PBRM1: variants seen among roughly 807,000 people sequenced by gnomAD.
The protein encoded by PBRM1 is polybromo 1, also known as protein polybromo-1.
In PBRM1, 27 loss-of-function variants were observed where a neutral mutation model predicts 194.5. The observed-to-expected ratio is 0.14, with a 90% CI of 0.10 to 0.19. PBRM1 has a LOEUF of 0.19. Ranked by LOEUF, PBRM1 falls within the 10% of genes least tolerant of loss-of-function variation. The probability of loss-of-function intolerance (pLI) is 1.00; values close to 1 mark genes in which losing one functional copy is unlikely to be tolerated. For synonymous variants in PBRM1, 655 were observed against 693.2 expected, an observed-to-expected ratio of 0.94 and a Z score of 0.87; for missense variants, 1,466 against 2,077.2, an observed-to-expected ratio of 0.71 and a Z score of 5.72.
chr3:52,594,075 T>C (rs190415107), intron 17 of PBRM1, among the ~76,000 whole-genome samples: 2 of 152,284 alleles, frequency 1.3e-5, no homozygotes, highest in African/African-American at 2.4e-5. Context: ...TGAGGTGAGG[T>C]CCTGCTGTGT....
intron 17 of PBRM1, 149 bp from the exon 20 acceptor site, chr3:52,589,404 T>C (rs2092785193): frequency 2.0e-6 from 1 of 491,450 alleles, no homozygotes; most frequent in African/African-American, 2.0e-5. Flanking sequence ...TCAGCAATAG[T>C]ATGATCTTCA....
At chr3:52,624,872 T>A (rs1467397359) in intron 13 of PBRM1, 25 bp downstream of exon 15, 2 of 1,437,268 alleles carry the variant, frequency 1.4e-6, no homozygotes, top group Non-Finnish European at 1.9e-6. Context: ...AAAAGAATGT[T>A]TATGCATAAA....
chr3:52,640,694 T>A (rs1170350661), intron 10 of PBRM1, among the ~76,000 whole-genome samples: 1 of 152,152 alleles, frequency 6.6e-6, no homozygotes, highest in Admixed American at 6.5e-5. Context: ...CAGGCTGGAG[T>A]ACAGTGGTGT....
At chr3:52,673,671 CAA>C (rs1324914906) in intron 2 of PBRM1, among the ~76,000 whole-genome samples, 4,354 of 38,622 alleles carry the variant, frequency 0.11, 63 homozygotes, top group African/African-American at 0.23. Context: ...GACTCCATCT[CAA>C]AAAAAAAAAA....
chr3:52,584,065 AC>A (rs2091927690), intron 20 of PBRM1, among the ~76,000 whole-genome samples: 1 of 152,138 alleles, frequency 6.6e-6, no homozygotes, highest in Non-Finnish European at 1.5e-5. Context: ...TCTCTTTCAT[AC>A]CCCTTTTTCC....
chr3:52,639,698 C>T (rs2095994101), intron 10 of PBRM1, among the ~76,000 whole-genome samples: 1 of 151,722 alleles, frequency 6.6e-6, no homozygotes, highest in South Asian at 2.1e-4. Flanking sequence ...CGCCACTGCT[C>T]CAGCCTGGGT....
intron 13 of PBRM1, among the ~76,000 whole-genome samples, chr3:52,618,591 G>GGT (rs2095097860): frequency 5.7e-5 from 7 of 123,486 alleles, no homozygotes; most frequent in African/African-American, 2.0e-4. Flanking sequence ...TTATGACTTA[G>GGT]TTTTTTTTTT....
intron 22 of PBRM1, 45 bp downstream of exon 24, chr3:52,576,496 T>G (rs1172224550): frequency 1.4e-6 from 2 of 1,463,088 alleles, no homozygotes; most frequent in East Asian, 2.3e-5. Flanking sequence ...TTCCATCAAT[T>G]TTGATGGAAT....
At chr3:52,571,868 A>C (rs865851550) in intron 22 of PBRM1, among the ~76,000 whole-genome samples, 3,992 of 138,556 alleles carry the variant, frequency 0.029, 265 homozygotes, top group African/African-American at 0.1. Flanking sequence ...AAAAAAAAAA[A>C]AAAAAAAAAA....
exon 25 of PBRM1, chr3:52,561,833 C>T (rs2153490348): frequency 6.2e-7 from 1 of 1,614,186 alleles, no homozygotes; most frequent in Non-Finnish European, 8.5e-7. Context: ...CGGCTGAGCT[C>T]CCCGAAAGAG....
Position 52,627,146 on chromosome 3 carries a change from A to G in PBRM1, c.1541+127T>C, listed in dbSNP as rs2095473198. 9.5e-6 allele frequency: 5 copies of G among 528,546 alleles called. No homozygotes were observed. In the South Asian group the frequency reaches 1.7e-4, roughly 18 times the overall value. The allele number at this position is 528,546 out of a possible 1,614,324, so 32.7% of individuals were successfully genotyped here. A position where few individuals can be genotyped will look rare whatever the true frequency, so the allele number is the denominator to read the frequency against. On this transcript the variant is annotated intron_variant, in intron 13 of 29. Coordinates refer to ENST00000296302, the Ensembl canonical transcript of PBRM1. The stretch of plus-strand genomic sequence containing the variant: ...TCATCCAATTGCAAATGAATTTTAA[A>G]AGAGAACACATTACCATTTATTTAA...
chr3:52,680,763 G>A (rs573710408), upstream of PBRM1, among the ~76,000 whole-genome samples: 174 of 152,124 alleles, frequency 1.1e-3, no homozygotes, highest in African/African-American at 3.9e-3. Context: ...CCAGTTTCAA[G>A]CGATTCTCCT....
chr3:52,660,578 T>A (rs972576915), intron 4 of PBRM1, among the ~76,000 whole-genome samples: 10 of 152,140 alleles, frequency 6.6e-5, no homozygotes, highest in South Asian at 2.1e-4. Context: ...AGTGGCATGA[T>A]CTCAGCTCAT....
intron 1 of PBRM1, chr3:52,685,461 G>A (rs905135780): frequency 6.6e-6 from 1 of 152,168 alleles, no homozygotes; most frequent in African/African-American, 2.4e-5. Context: ...GGGACTGAGG[G>A]AAACGTTGAC....
intron 10 of PBRM1, among the ~76,000 whole-genome samples, chr3:52,639,319 C>T (rs545653501): frequency 1.3e-5 from 2 of 152,276 alleles, no homozygotes; most frequent in Non-Finnish European, 2.9e-5. Context: ...CTCTCCTCCC[C>T]GCCAATATTG....
chr3:52,650,255 C>T (rs934441077), intron 6 of PBRM1, among the ~76,000 whole-genome samples: 8 of 148,690 alleles, frequency 5.4e-5, no homozygotes, highest in East Asian at 2.0e-4. Context: ...CCCAGCTACT[C>T]GGGAGGCTGA....
chr3:52,623,337 A>G (rs1425039888), intron 13 of PBRM1, among the ~76,000 whole-genome samples: 3 of 152,222 alleles, frequency 2.0e-5, no homozygotes, highest in Non-Finnish European at 4.4e-5. Context: ...CAGCCTCTCT[A>G]ATCAAAGTCA....
chr3:52,634,714 G>T, exon 11 of PBRM1: 1 of 1,613,568 alleles, frequency 6.2e-7, no homozygotes, highest in South Asian at 1.1e-5. Context: ...TGGTTATTCC[G>T]ACAACTCCTA....
At chr3:52,666,708 C>T (rs148025703) in intron 3 of PBRM1, among the ~76,000 whole-genome samples, 5 of 151,476 alleles carry the variant, frequency 3.3e-5, no homozygotes, top group Non-Finnish European at 7.4e-5. Context: ...CTGGGCAACA[C>T]GGTGAAATCC....
Sources: gnomAD v4.1 joint callset for allele counts (sites outside exome capture counted in the v4.1 genomes callset) on GRCh38, gnomAD v4.1.1 for gene constraint, MANE v1.5 for transcripts, NCBI Gene and HGNC (gene_info 2026-07-23, HGNC 2026-07-21) for gene names.